Variants in TGM3 observed in about 807,000 individuals in gnomAD.
TGM3 encodes transglutaminase 3.
TGM3 carries 52 observed loss-of-function variants against 73.8 expected under a neutral mutation model. The ratio of observed to expected loss-of-function variants is 0.70; its 90% CI spans 0.56 to 0.89. The LOEUF (loss-of-function observed/expected upper bound fraction) is 0.89. Ranked by LOEUF, TGM3 falls within the 40% of genes least tolerant of loss-of-function variation. The pLI, the probability that TGM3 is intolerant of heterozygous loss-of-function variation, is 0.00. For synonymous variants in TGM3, 372 were observed against 354.9 expected (o/e 1.05, Z -0.54); for missense variants, 928 against 909.9 (o/e 1.02, Z -0.26).
intron 8 of TGM3, 197 bp downstream of exon 8, chr20:2,326,149 C>T (rs2084286746): frequency 4.9e-6 from 3 of 615,436 alleles, no homozygotes; most frequent in Middle Eastern, 3.4e-4. Flanking sequence ...GCCTGCCCTG[C>T]ACCCACAATG....
intron 1 of TGM3, among the ~76,000 whole-genome samples, chr20:2,307,820 C>T (rs1031273381): frequency 2.6e-5 from 4 of 152,182 alleles, no homozygotes; most frequent in Non-Finnish European, 5.9e-5. Context: ...TCATGATGGT[C>T]ATCGCATGAT....
chr20:2,331,046 A>G (rs1433563748), intron 9 of TGM3, among the ~76,000 whole-genome samples: 7 of 151,872 alleles, frequency 4.6e-5, no homozygotes, highest in Admixed American at 4.6e-4. Flanking sequence ...AAAAAAATAA[A>G]AAAAGAAAAG....
chr20:2,313,893 T>C (rs1353949724), intron 5 of TGM3, among the ~76,000 whole-genome samples: 1 of 151,670 alleles, frequency 6.6e-6, no homozygotes, highest in Non-Finnish European at 1.5e-5. Flanking sequence ...TAGCCAGGCA[T>C]AGGCAGACAC....
chr20:2,316,145 G>T (rs555749363), intron 5 of TGM3, among the ~76,000 whole-genome samples: 2 of 152,132 alleles, frequency 1.3e-5, no homozygotes, highest in South Asian at 2.1e-4. Flanking sequence ...GCTGCCTCTT[G>T]GTTGTGTCAC....
chr20:2,314,011 CA>C (rs68181745), intron 5 of TGM3, among the ~76,000 whole-genome samples: 105,474 of 151,758 alleles, frequency 0.7, 39,868 homozygotes, highest in East Asian at 0.96. Flanking sequence ...ACAACAACAA[CA>C]AAAAAAAATT....
intron 7 of TGM3, among the ~76,000 whole-genome samples, chr20:2,323,294 T>C (rs1047251298): frequency 2.0e-5 from 3 of 152,258 alleles, no homozygotes; most frequent in Non-Finnish European, 4.4e-5. Flanking sequence ...CCTTGACTTA[T>C]GAGTGTGAAC....
intron 1 of TGM3, among the ~76,000 whole-genome samples, chr20:2,299,309 G>A (rs62192643): frequency 0.11 from 17,258 of 152,148 alleles, 1,098 homozygotes; most frequent in Middle Eastern, 0.26. Flanking sequence ...AATCAGGGGC[G>A]ATTCCCAGGG....
chr20:2,330,025 G>A (rs1312305404), intron 9 of TGM3, among the ~76,000 whole-genome samples: 1 of 152,010 alleles, frequency 6.6e-6, no homozygotes, highest in Non-Finnish European at 1.5e-5. Context: ...CCTAAACAAT[G>A]GAGAATGGGC....
At chr20:2,313,312 G>A (rs2084216727) in intron 5 of TGM3, among the ~76,000 whole-genome samples, 1 of 152,194 alleles carries the variant, frequency 6.6e-6, no homozygotes, top group African/African-American at 2.4e-5. Context: ...CAGAGGAAAA[G>A]GGAGCTTGCT....
At chr20:2,308,137 C>A (rs1176527680) in intron 1 of TGM3, among the ~76,000 whole-genome samples, 1 of 152,002 alleles carries the variant, frequency 6.6e-6, no homozygotes, top group Non-Finnish European at 1.5e-5. Flanking sequence ...TGGGAGAATC[C>A]CTTGAGCCCA....
chr20:2,308,003 C>T lies in TGM3; in HGVS notation c.8-1654C>T, dbSNP rs78121405. On this transcript the variant is annotated intron_variant, in intron 1 of 12. Coordinates refer to ENST00000381458, the MANE Select transcript of TGM3 (RefSeq NM_003245.4). ...TTGGGATGCCAAGACGTGCAGATCA[C>T]TTGAGCCCAGGAGTTTGAGACAAGC... 2.8e-3 allele frequency among the ~76,000 whole-genome samples: 427 copies of T among 152,238 alleles called. 16 individuals carry two copies. The East Asian group carries it at 0.066, about 23-fold the overall frequency.
Position 2,328,316 on chromosome 20 carries a change from G to A in TGM3, c.1284G>A (p.Val428=), listed in dbSNP as rs1220866956. The part of the protein sequence containing the change: ...TIGRYISTKA[V]GSNARMDVTD... ...GCAGGTACATCAGCACCAAGGCGGT[G>A]GGCAGCAATGCTCGCATGGACGTCA... Residue 428 remains valine (V), a synonymous_variant, in exon 9 of 13, where the codon GTG becomes GTA. Transcript: ENST00000381458. The surrounding 1 kb of genome is among the most constrained non-coding windows in gnomAD (Gnocchi z 5.2). The A allele has an allele frequency of 6.2e-7, 1 of 1,614,150 alleles. No individual in the cohort carries two copies. Among genetic ancestry groups the A allele is most frequent in the South Asian group, 1.1e-5 (1 of 91,074 alleles).
chr20:2,304,962 C>T (rs555171878), intron 1 of TGM3, among the ~76,000 whole-genome samples: 16 of 152,262 alleles, frequency 1.1e-4, no homozygotes, highest in East Asian at 1.9e-4. Context: ...GGAAAACAGA[C>T]GACCAGCTTA....
chr20:2,310,518 AG>A (rs11477461), intron 3 of TGM3, 101 bp downstream of exon 3: 211,253 of 1,539,752 alleles, frequency 0.14, 15,190 homozygotes, highest in Middle Eastern at 0.23. Context: ...GATTAGGGAA[AG>A]TCCATGGGCT....
At chr20:2,304,986 C>T (rs1198922811) in intron 1 of TGM3, among the ~76,000 whole-genome samples, 2 of 152,200 alleles carry the variant, frequency 1.3e-5, no homozygotes, top group Non-Finnish European at 2.9e-5. Context: ...TAAAAGGATA[C>T]AACTCAGAAG....
At position 2,314,410 on chromosome 20, in the gene TGM3, T is replaced by C. The variant is rs372343965; in HGVS notation, c.669+1384T>C. Among the ~76,000 whole-genome samples, 3 of 151,950 alleles carry C rather than the reference T, an allele frequency of 2.0e-5. No homozygotes were observed. The South Asian group carries it at 6.2e-4, about 32-fold the overall frequency. On this transcript the variant is annotated intron_variant, in intron 5 of 12. Transcript: ENST00000381458. ...TTGTAAGTTAAGATGCAAAAAGTCGTGATCAGGCACAGTGGTTCACACCTG... is the reference window on the plus strand; with the variant it reads ...TTGTAAGTTAAGATGCAAAAAGTCGCGATCAGGCACAGTGGTTCACACCTG...
chr20:2,312,212 C>T (rs553200125), intron 4 of TGM3, among the ~76,000 whole-genome samples: 2 of 151,102 alleles, frequency 1.3e-5, no homozygotes, highest in Non-Finnish European at 3.0e-5. Flanking sequence ...CCAGCCTGGC[C>T]TATATGGCAA....
Position 2,340,722 on chromosome 20 carries a change from C to T in TGM3, c.*141C>T. ...GCTGCCAGACATGGACCTCCAGGCT[C>T]CAGCACATCCCCCTCTCCTCTCCCC... is the stretch of plus-strand genomic sequence containing the variant. On this transcript the variant is annotated 3_prime_UTR_variant, in exon 13 of 13. Transcript: ENST00000381458. The T allele has an allele frequency of 9.4e-7, 1 of 1,067,482 alleles. No individual in the cohort carries two copies. Among genetic ancestry groups the T allele is most frequent in the Admixed American group, 2.0e-5 (1 of 49,400 alleles). The allele number at this position is 1,067,482 out of a possible 1,614,324, so 66.1% of individuals were successfully genotyped here. A position where few individuals can be genotyped will look rare whatever the true frequency, so the allele number is the denominator to read the frequency against.
intron 5 of TGM3, among the ~76,000 whole-genome samples, chr20:2,316,476 T>G (rs1017431597): frequency 6.6e-6 from 1 of 151,900 alleles, no homozygotes; most frequent in African/African-American, 2.4e-5. Flanking sequence ...CCAGGAGAAT[T>G]GCTTGAATCC....
Sources: allele counts gnomAD v4.1 joint callset (sites outside exome capture counted in the v4.1 genomes callset), GRCh38; gene constraint gnomAD v4.1.1; non-coding constraint Gnocchi (gnomAD v3.1); transcripts MANE v1.5; gene names NCBI Gene and HGNC (gene_info 2026-07-23, HGNC 2026-07-21).